Variants in PPFIA3 observed in about 807,000 individuals in gnomAD.
PPFIA3 encodes the protein liprin-alpha-3.
In PPFIA3, 26 loss-of-function variants were observed where a neutral mutation model predicts 145.8. The ratio of observed to expected loss-of-function variants is 0.18; its 90% CI spans 0.13 to 0.25. The LOEUF (loss-of-function observed/expected upper bound fraction) is 0.25, where lower values mean the gene tolerates loss of function less well. PPFIA3 is among the 10% of genes least tolerant of loss of function. The pLI, the probability that PPFIA3 is intolerant of heterozygous loss-of-function variation, is 1.00. For missense variants in PPFIA3, 1,008 were observed against 1,587.8 expected (o/e 0.63, Z 6.21); for synonymous variants, 645 against 661.4 (o/e 0.98, Z 0.38).
Position 49,148,424 on chromosome 19 carries a change from C to G in PPFIA3, c.3011+166C>G, listed in dbSNP as rs535068811. The G allele has an allele frequency of 5.4e-5, 46 of 858,102 alleles. No individual in the cohort carries two copies. The South Asian group carries it at 8.2e-4, about 15-fold the overall frequency. 53.2% of individuals were successfully genotyped at this position (858,102 alleles called of 1,614,324 possible). On this transcript the variant is annotated intron_variant, in intron 24 of 29. Transcript: ENST00000334186. ...TGCTCCTTTCACCAATGAGATGGTC[C>G]ACAGGAAAAGTTCAGATCCTGAAAT...
In PPFIA3 at chr19:49,149,349, G is replaced by C. The variant is rs765366103; in HGVS notation, c.3354+24G>C. 6.2e-7 allele frequency: 1 copy of C among 1,613,162 alleles called. No individual in the cohort carries two copies. Among genetic ancestry groups the C allele is most frequent in the Non-Finnish European group, 8.5e-7 (1 of 1,179,390 alleles). ...AGGTGGGCGCGGCAACAGCTCAGAGGGCTCTGCTCCCAGCGGCTCCTCGAG... is the reference window on the plus strand; with the variant it reads ...AGGTGGGCGCGGCAACAGCTCAGAGCGCTCTGCTCCCAGCGGCTCCTCGAG... On this transcript the variant is annotated intron_variant, in intron 27 of 29. Coordinates refer to ENST00000334186, the MANE Select transcript of PPFIA3 (RefSeq NM_003660.4). This position sits in a 1 kb window ranked among gnomAD's most constrained non-coding sequence, Gnocchi z 5.7.
chr19:49,133,275 C>T lies in PPFIA3; in HGVS notation c.1065C>T (p.Asp355=). ...EKSRQLAEWL[D]DAKQKLQQTL... ...GCCGTCAGCTGGCCGAGTGGTTGGA[C>T]GACGCCAAGCAGAAGCTGCAGCAGA... The change falls in exon 9 of 30, where the codon GAC becomes GAT. Residue 355 remains aspartate, a synonymous_variant. Coordinates refer to ENST00000334186, the MANE Select transcript of PPFIA3 (RefSeq NM_003660.4). The surrounding 1 kb of genome is among the most constrained non-coding windows in gnomAD (Gnocchi z 7.2). The T allele has an allele frequency of 1.2e-6, 2 of 1,609,548 alleles. No homozygotes were observed. Among genetic ancestry groups the T allele is most frequent in the Non-Finnish European group, 1.7e-6 (2 of 1,178,262 alleles).
Position 49,136,761 on chromosome 19 carries a change from C to G in PPFIA3, c.1703C>G (p.Pro568Arg), listed in dbSNP as rs777146589. Reference sequence around the variant, plus strand: ...TCTGCCCCTGCGGGCTCCATACCACCCCCATTCCCTGGGGAACTGGACGGC... The same window carrying G: ...TCTGCCCCTGCGGGCTCCATACCACGCCCATTCCCTGGGGAACTGGACGGC... ...ERSAPAGSIP[P>R]PFPGELDGSD... Residue 568 changes from proline to arginine, a missense_variant, in exon 15 of 30, where the codon CCC becomes CGC. Pro to Arg is a moderately radical substitution (Grantham distance 103). Transcript: ENST00000334186. 1.5e-5 allele frequency: 23 copies of G among 1,577,904 alleles called. No individual in the cohort carries two copies. In the East Asian group the frequency reaches 5.2e-4, roughly 36 times the overall value.
chr19:49,135,038 T>G (rs928423720), intron 13 of PPFIA3, 123 bp downstream of exon 13: 13 of 734,518 alleles, frequency 1.8e-5, no homozygotes, highest in East Asian at 2.9e-5. Flanking sequence ...TTTTGTTTTT[T>G]GTTTGTTTGT....
Position 49,128,125 on chromosome 19 carries a change from A to G in PPFIA3, c.240+12A>G. ...TCGCGCTGCCCCAGGTCTGGGCGGG[A>G]CAGGGGCGGGGCATGAGGGGGCGGG... On this transcript the variant is annotated intron_variant, in intron 2 of 29. Transcript: ENST00000334186. The surrounding 1 kb of genome is among the most constrained non-coding windows in gnomAD (Gnocchi z 4.1). 1.4e-6 allele frequency: 2 copies of G among 1,441,064 alleles called. No homozygotes were observed. Among genetic ancestry groups the G allele is most frequent in the Non-Finnish European group, 1.9e-6 (2 of 1,073,956 alleles). 89.3% of individuals were successfully genotyped at this position (1,441,064 alleles called of 1,614,324 possible).
intron 1 of PPFIA3, among the ~76,000 whole-genome samples, chr19:49,122,204 C>T (rs1354500269): frequency 6.6e-6 from 1 of 151,696 alleles, no homozygotes; most frequent in Non-Finnish European, 1.5e-5. Context: ...CCTCAGCCTC[C>T]TGAGTAGCTG....
At chr19:49,145,547 C>T (rs781291634) in intron 21 of PPFIA3, 37 of 254,884 alleles carry the variant, frequency 1.5e-4, no homozygotes, top group Non-Finnish European at 1.5e-4. Flanking sequence ...ATTCCTAACT[C>T]GTGAGGTTGT....
chr19:49,131,660 CT>C (rs1297569590), intron 7 of PPFIA3, among the ~76,000 whole-genome samples: 3 of 150,972 alleles, frequency 2.0e-5, no homozygotes, highest in Admixed American at 1.3e-4. Flanking sequence ...CCCGTCACTA[CT>C]TAAAAAAAAA....
chr19:49,135,013 TTC>T lies in PPFIA3; in HGVS notation c.1520+100_1520+101del, dbSNP rs2041120875. ...TCCCCACTTCCTGTCCTCCTGAGACTTCTGACCCCTCTGTTTTTGTTTTTTGT... is the reference window on the plus strand; with the variant it reads ...TCCCCACTTCCTGTCCTCCTGAGACTTGACCCCTCTGTTTTTGTTTTTTGT... On this transcript the variant is annotated intron_variant, in intron 13 of 29. Transcript: ENST00000334186. 6 of 1,020,790 alleles carry T rather than the reference TTC, an allele frequency of 5.9e-6. No homozygotes were observed. In the South Asian group the frequency reaches 1.1e-4, roughly 19 times the overall value. 63.2% of individuals were successfully genotyped at this position (1,020,790 alleles called of 1,614,324 possible). A position where few individuals can be genotyped will look rare whatever the true frequency, so the allele number is the denominator to read the frequency against.
intron 13 of PPFIA3, among the ~76,000 whole-genome samples, chr19:49,135,145 G>A (rs575654130): frequency 1.3e-5 from 2 of 152,144 alleles, no homozygotes; most frequent in African/African-American, 4.8e-5. Flanking sequence ...GAGTTCAAGC[G>A]ATTCTCGTGC....
chr19:49,136,771 T>C lies in PPFIA3; in HGVS notation c.1713T>C (p.Pro571=). The C allele has an allele frequency of 6.3e-7, 1 of 1,583,376 alleles. No homozygotes were observed. Residue 571 remains proline, a synonymous_variant, in exon 15 of 30, where the codon CCT becomes CCC. Coordinates refer to ENST00000334186, the MANE Select transcript of PPFIA3 (RefSeq NM_003660.4). ...APAGSIPPPF[P]GELDGSDEEE... ...CGGGCTCCATACCACCCCCATTCCC[T>C]GGGGAACTGGACGGCTCCGATGAGG...
At chr19:49,138,182 G>T in intron 15 of PPFIA3, 23 bp from the exon 16 acceptor site, 1 of 1,546,616 alleles carries the variant, frequency 6.5e-7, no homozygotes, top group East Asian at 2.4e-5. Flanking sequence ...CCCTCACCCA[G>T]TTTCCCCTAT....
Position 49,150,135 on chromosome 19 carries a change from C to T in PPFIA3, c.3582C>T (p.Cys1194=), listed in dbSNP as rs777022307. 1.1e-5 allele frequency: 17 copies of T among 1,609,550 alleles called. No individual in the cohort carries two copies. The South Asian group carries it at 1.9e-4, about 18-fold the overall frequency. ...ADGVSVRTYS[C] ...GCGTTTCGGTCCGGACCTATTCCTG[C>T]TAGTGCAGGCCTCCAGGTGAGGACC... Residue 1194 remains cysteine (C), a synonymous_variant, in exon 29 of 30, where the codon TGC becomes TGT. Transcript: ENST00000334186.
intron 1 of PPFIA3, among the ~76,000 whole-genome samples, chr19:49,126,444 G>A (rs1212916962): frequency 6.6e-6 from 1 of 151,708 alleles, no homozygotes; most frequent in East Asian, 1.9e-4. Flanking sequence ...TAGAGACGGG[G>A]GTCACCATGT....
At chr19:49,148,797 G>A in intron 25 of PPFIA3, 34 bp downstream of exon 25, 1 of 1,589,890 alleles carries the variant, frequency 6.3e-7, no homozygotes, top group Non-Finnish European at 8.6e-7. Flanking sequence ...TTGGGAGCCA[G>A]GTGGAGGGCG....
At chr19:49,131,932 C>T (rs537992063) in intron 7 of PPFIA3, among the ~76,000 whole-genome samples, 6 of 151,152 alleles carry the variant, frequency 4.0e-5, no homozygotes, top group Non-Finnish European at 7.4e-5. Context: ...ATGGCGTGAA[C>T]CCGGGAGGCA....
chr19:49,146,330 C>A, intron 23 of PPFIA3, 138 bp downstream of exon 23: 2 of 1,099,350 alleles, frequency 1.8e-6, no homozygotes, highest in Non-Finnish European at 1.3e-6. Context: ...AAGCTTGGCT[C>A]TGGACTGTTC....
Position 49,133,558 on chromosome 19 carries a change from G to A in PPFIA3, c.1161+187G>A, listed in dbSNP as rs1369548021. Reference sequence around the variant, plus strand: ...GGGCCTGGAGGTTTGCGCGGGGGACGGATGGGAGCGGGGTTCTCTAGCCTG... The same window carrying A: ...GGGCCTGGAGGTTTGCGCGGGGGACAGATGGGAGCGGGGTTCTCTAGCCTG... On this transcript the variant is annotated intron_variant, in intron 9 of 29. Transcript: ENST00000334186. This position sits in a 1 kb window ranked among gnomAD's most constrained non-coding sequence, Gnocchi z 7.2. Among the ~76,000 whole-genome samples the A allele has an allele frequency of 6.6e-6, 1 of 152,170 alleles. No homozygotes were observed. The highest frequency in any genetic ancestry group is 1.5e-5 in the Non-Finnish European group (1 of 68,028).
intron 4 of PPFIA3, among the ~76,000 whole-genome samples, 166 bp from the exon 5 acceptor site, chr19:49,129,214 G>A (rs919574570): frequency 1.3e-5 from 2 of 152,236 alleles, no homozygotes; most frequent in African/African-American, 2.4e-5. Context: ...GGGGCTAACA[G>A]TGGATGGGGC....
Sources: allele counts gnomAD v4.1 joint callset (sites outside exome capture counted in the v4.1 genomes callset), GRCh38; gene constraint gnomAD v4.1.1; non-coding constraint Gnocchi (gnomAD v3.1); transcripts MANE v1.5; gene names NCBI Gene and HGNC (gene_info 2026-07-23, HGNC 2026-07-21).